The following USP48 variants were observed in gnomAD, a reference collection of about 807,000 sequenced individuals.
USP48 encodes ubiquitin carboxyl-terminal hydrolase 48.
Under a neutral mutation model 150.7 loss-of-function variants are expected in USP48, and 43 were observed. The ratio of observed to expected loss-of-function variants is 0.29; its 90% CI spans 0.22 to 0.37. USP48 has a LOEUF of 0.37. USP48 is among the 10% of genes least tolerant of loss of function. The probability of loss-of-function intolerance (pLI) is 1.00; values close to 1 mark genes in which losing one functional copy is unlikely to be tolerated. For synonymous variants in USP48, 396 were observed against 425.9 expected, an observed-to-expected ratio of 0.93 and a Z score of 0.86; for missense variants, 813 against 1,249.6, an observed-to-expected ratio of 0.65 and a Z score of 5.27.
chr1:21,736,857 T>C (rs1265956859), intron 8 of USP48, among the ~76,000 whole-genome samples: 2 of 152,102 alleles, frequency 1.3e-5, no homozygotes, highest in South Asian at 2.1e-4. Flanking sequence ...CTCTGCAAAA[T>C]ACACGGATGA....
intron 25 of USP48, among the ~76,000 whole-genome samples, chr1:21,685,026 T>C (rs1446334047): frequency 1.3e-5 from 2 of 152,216 alleles, no homozygotes; most frequent in Non-Finnish European, 2.9e-5. Flanking sequence ...TCAGGGTCTT[T>C]TGTGGTTCCA....
chr1:21,742,686 CAG>C (rs1234083878), intron 8 of USP48, among the ~76,000 whole-genome samples: 1 of 152,072 alleles, frequency 6.6e-6, no homozygotes, highest in South Asian at 2.1e-4. Context: ...TTGCCCATAC[CAG>C]GTTCTTCCAG....
chr1:21,755,784 A>G (rs1374732086), intron 3 of USP48, among the ~76,000 whole-genome samples: 1 of 152,080 alleles, frequency 6.6e-6, no homozygotes, highest in Non-Finnish European at 1.5e-5. Context: ...GTAATCCAGC[A>G]CTTTTGGAGA....
chr1:21,715,217 C>T (rs944597319), intron 15 of USP48, 172 bp downstream of exon 15: 35 of 528,796 alleles, frequency 6.6e-5, no homozygotes, highest in Admixed American at 6.0e-4. Context: ...TTCAATGGAA[C>T]AAGTGACAAG....
At chr1:21,739,443 C>G (rs979980076) in intron 8 of USP48, among the ~76,000 whole-genome samples, 1 of 146,564 alleles carries the variant, frequency 6.8e-6, no homozygotes, top group Non-Finnish European at 1.5e-5. Context: ...TGCTTGAACC[C>G]GGGAGGCGGA....
intron 1 of USP48, among the ~76,000 whole-genome samples, chr1:21,772,046 G>C (rs116020323): frequency 0.011 from 1,642 of 152,244 alleles, 18 homozygotes; most frequent in Admixed American, 0.021. Context: ...CAAGTGAGTA[G>C]CCATTTGGTA....
chr1:21,725,440 G>A (rs573577807), intron 11 of USP48, among the ~76,000 whole-genome samples: 12 of 152,244 alleles, frequency 7.9e-5, no homozygotes, highest in African/African-American at 2.6e-4. Context: ...ATACATTTAC[G>A]TAAACTTAAT....
intron 6 of USP48, 51 bp downstream of exon 6, chr1:21,751,456 G>C: frequency 7.4e-7 from 1 of 1,350,412 alleles, no homozygotes; most frequent in Non-Finnish European, 1.1e-6. Context: ...ATTCAGAACA[G>C]CATTTAACTG....
chr1:21,778,601 TAAA>T (rs35911894), intron 1 of USP48, among the ~76,000 whole-genome samples: 10 of 88,912 alleles, frequency 1.1e-4, no homozygotes, highest in South Asian at 4.6e-4. Flanking sequence ...ACCCTCATCT[TAAA>T]AAAAAAAAAA....
At chr1:21,766,472 A>G (rs953130689) in intron 1 of USP48, among the ~76,000 whole-genome samples, 1 of 152,228 alleles carries the variant, frequency 6.6e-6, no homozygotes, top group Non-Finnish European at 1.5e-5. Flanking sequence ...TATTGACTAT[A>G]GGTAGGAGAT....
chr1:21,703,217 G>C (rs1363074141), intron 21 of USP48, among the ~76,000 whole-genome samples: 1 of 152,120 alleles, frequency 6.6e-6, no homozygotes, highest in Non-Finnish European at 1.5e-5. Flanking sequence ...CTATAATTTT[G>C]AGAGAAGGTA....
At chr1:21,771,586 C>T (rs1016029562) in intron 1 of USP48, among the ~76,000 whole-genome samples, 4 of 151,716 alleles carry the variant, frequency 2.6e-5, no homozygotes, top group Non-Finnish European at 5.9e-5. Context: ...TGTGGTATCA[C>T]TACAGAGTTA....
intron 6 of USP48, among the ~76,000 whole-genome samples, chr1:21,750,966 C>T (rs941931715): frequency 1.5e-4 from 23 of 151,580 alleles, no homozygotes; most frequent in Non-Finnish European, 8.8e-5. Flanking sequence ...TAAGAAAGCA[C>T]AAAAAATATC....
chr1:21,723,624 G>T (rs138093411), intron 12 of USP48, among the ~76,000 whole-genome samples: 2 of 151,936 alleles, frequency 1.3e-5, no homozygotes, highest in East Asian at 1.9e-4. Context: ...ACTACTACCA[G>T]ACAGTTTTCT....
At chr1:21,751,163 A>G (rs333194) in intron 6 of USP48, among the ~76,000 whole-genome samples, 11,616 of 152,286 alleles carry the variant, frequency 0.076, 502 homozygotes, top group Middle Eastern at 0.11. Context: ...AAAAAGTTTC[A>G]TATTTAGCAC....
At chr1:21,740,526 C>A (rs1001199567) in intron 8 of USP48, among the ~76,000 whole-genome samples, 3 of 152,158 alleles carry the variant, frequency 2.0e-5, no homozygotes, top group Non-Finnish European at 4.4e-5. Flanking sequence ...AAAAAGATTT[C>A]TTTACTATGA....
chr1:21,744,521 AT>A (rs1262346727), intron 8 of USP48, among the ~76,000 whole-genome samples: 1 of 151,724 alleles, frequency 6.6e-6, no homozygotes, highest in Non-Finnish European at 1.5e-5. Context: ...CACGCCTGTA[AT>A]TCCAGCACTT....
At chr1:21,722,034 T>C (rs944024395) in intron 12 of USP48, among the ~76,000 whole-genome samples, 4 of 152,142 alleles carry the variant, frequency 2.6e-5, no homozygotes, top group Non-Finnish European at 5.9e-5. Flanking sequence ...AAGGTTTACA[T>C]GCAATCTTTA....
In USP48 at chr1:21,783,082, GC is replaced by G; in HGVS notation, c.-126del. On this transcript the variant is annotated 5_prime_UTR_variant, in exon 1 of 27. Transcript: ENST00000308271. ...GACCTGGCGCTCCTTCAGGCAGCTGGCCAGTCAATCACCTGTGCGCGCCACT... is the reference window on the plus strand; with the variant it reads ...GACCTGGCGCTCCTTCAGGCAGCTGGCAGTCAATCACCTGTGCGCGCCACT... 1.5e-6 allele frequency: 2 copies of G among 1,342,052 alleles called. No homozygotes were observed. The highest frequency in any genetic ancestry group is 2.7e-4 in the Middle Eastern group (1 of 3,686). The allele number at this position is 1,342,052 out of a possible 1,614,324, so 83.1% of individuals were successfully genotyped here.
Sources: allele counts gnomAD v4.1 joint callset (sites outside exome capture counted in the v4.1 genomes callset), GRCh38; gene constraint gnomAD v4.1.1; transcripts MANE v1.5; gene names NCBI Gene and HGNC (gene_info 2026-07-23, HGNC 2026-07-21).